The following NAA11 variants were observed in gnomAD, a reference collection of about 807,000 sequenced individuals.
The protein encoded by NAA11 is N-alpha-acetyltransferase 11, NatA catalytic subunit, also known as N-alpha-acetyltransferase 11.
A neutral mutation model predicts 16.1 loss-of-function variants in NAA11; 15 were observed. That is an observed-to-expected ratio of 0.93 (90% confidence interval 0.62 to 1.44). NAA11 has a LOEUF of 1.44. Among genes scored for constraint, NAA11 ranks in the 40% most tolerant of loss-of-function variants. The pLI, the probability that NAA11 is intolerant of heterozygous loss-of-function variation, is 0.00. For synonymous variants in NAA11, 122 were observed against 112.4 expected (o/e 1.09, Z -0.54); for missense variants, 298 against 291.3 (o/e 1.02, Z -0.17).
At chr4:79,259,995 A>T (rs1268628340) in intron 2 of NAA11, among the ~76,000 whole-genome samples, 4 of 152,180 alleles carry the variant, frequency 2.6e-5, no homozygotes, top group Non-Finnish European at 5.9e-5. Flanking sequence ...ATAGAGTCCA[A>T]AGTGCAAAAG....
chr4:79,201,875 C>T, the NAA11 span, among the ~76,000 whole-genome samples: 1 of 151,654 alleles, frequency 6.6e-6, no homozygotes, highest in Admixed American at 6.6e-5. Flanking sequence ...AAAATAACTT[C>T]AACTTCATCC....
intron 2 of NAA11, among the ~76,000 whole-genome samples, chr4:79,265,496 C>T (rs1359394272): frequency 6.6e-6 from 1 of 152,188 alleles, no homozygotes; most frequent in East Asian, 1.9e-4. Context: ...CTATCAGGCT[C>T]TCCCCTATTG....
chr4:79,258,221 C>G (rs1291462632), intron 2 of NAA11, among the ~76,000 whole-genome samples: 3 of 152,252 alleles, frequency 2.0e-5, no homozygotes, highest in Non-Finnish European at 2.9e-5. Flanking sequence ...ATAGCTGCAG[C>G]CTTCCAAGTT....
downstream of NAA11, among the ~76,000 whole-genome samples, chr4:79,315,195 GAA>G (rs987512260): frequency 7.0e-6 from 1 of 143,248 alleles, no homozygotes; most frequent in Non-Finnish European, 1.5e-5. Flanking sequence ...CAGACATACT[GAA>G]AAAAAAAAAA....
the NAA11 span, among the ~76,000 whole-genome samples, chr4:79,190,698 AC>A: frequency 6.6e-5 from 10 of 152,064 alleles, no homozygotes; most frequent in African/African-American, 2.4e-4. Context: ...GTTTGAGGGT[AC>A]ATGTGAAGAT....
At chr4:79,161,871 C>G in the NAA11 span, among the ~76,000 whole-genome samples, 7 of 152,050 alleles carry the variant, frequency 4.6e-5, no homozygotes, top group Non-Finnish European at 2.9e-5. Context: ...TTAGTACAGA[C>G]AGGGTTTCAC....
At chr4:79,217,115 A>G in the NAA11 span, among the ~76,000 whole-genome samples, 4 of 152,172 alleles carry the variant, frequency 2.6e-5, no homozygotes, top group African/African-American at 4.8e-5. Context: ...TGCTCATTAG[A>G]CATATTGTAA....
chr4:79,276,962 C>T (rs116648560), intron 2 of NAA11, among the ~76,000 whole-genome samples: 1,744 of 152,206 alleles, frequency 0.011, 15 homozygotes, highest in South Asian at 0.022. Flanking sequence ...ACTAGAGATG[C>T]CGTTAAAGGA....
At chr4:79,201,720 T>G in the NAA11 span, among the ~76,000 whole-genome samples, 1 of 151,732 alleles carries the variant, frequency 6.6e-6, no homozygotes, top group South Asian at 2.1e-4. Flanking sequence ...ATGTGAGCCT[T>G]GCAGTTCTCT....
the NAA11 span, among the ~76,000 whole-genome samples, chr4:79,209,485 TACATCC>T: frequency 3.3e-5 from 5 of 152,120 alleles, no homozygotes; most frequent in African/African-American, 1.2e-4. Context: ...AAAAAGTTAA[TACATCC>T]ACTGAACACC....
chr4:79,205,060 T>C, the NAA11 span, among the ~76,000 whole-genome samples: 1 of 152,026 alleles, frequency 6.6e-6, no homozygotes, highest in Non-Finnish European at 1.5e-5. Context: ...CTTTATCCAC[T>C]TACCAGTTGA....
At chr4:79,220,103 C>CT in the NAA11 span, among the ~76,000 whole-genome samples, 1 of 152,126 alleles carries the variant, frequency 6.6e-6, no homozygotes, top group African/African-American at 2.4e-5. Context: ...ACTTCTGTGA[C>CT]TTTTTTTGAG....
intron 2 of NAA11, among the ~76,000 whole-genome samples, chr4:79,286,117 A>G (rs1722901700): frequency 6.6e-6 from 1 of 152,134 alleles, no homozygotes; most frequent in Non-Finnish European, 1.5e-5. Context: ...TATTCTAAGC[A>G]GAACATATGT....
chr4:79,252,464 T>C (rs1722017394), intron 2 of NAA11, among the ~76,000 whole-genome samples: 1 of 152,094 alleles, frequency 6.6e-6, no homozygotes, highest in Non-Finnish European at 1.5e-5. Flanking sequence ...ATACATTTTA[T>C]TGGGGTAGAT....
At chr4:79,191,996 G>T in the NAA11 span, among the ~76,000 whole-genome samples, 1 of 152,092 alleles carries the variant, frequency 6.6e-6, no homozygotes, top group African/African-American at 2.4e-5. Flanking sequence ...GATTGTAGAT[G>T]TGTGGTATTA....
chr4:79,230,168 G>T (rs1400807134), intron 2 of NAA11, among the ~76,000 whole-genome samples: 1 of 151,248 alleles, frequency 6.6e-6, no homozygotes, highest in African/African-American at 2.4e-5. Flanking sequence ...GTAAACTATC[G>T]CAAGAACAAA....
At chr4:79,239,311 A>G (rs4571360) in intron 2 of NAA11, among the ~76,000 whole-genome samples, 107,987 of 152,054 alleles carry the variant, frequency 0.71, 40,504 homozygotes, top group East Asian at 0.89. Context: ...AAAGATATAC[A>G]TTAATTTATG....
At chr4:79,237,430 T>G (rs1423040944) in intron 2 of NAA11, among the ~76,000 whole-genome samples, 1 of 152,210 alleles carries the variant, frequency 6.6e-6, no homozygotes, top group East Asian at 1.9e-4. Flanking sequence ...CTCCCATATA[T>G]CTATTGTTTT....
At position 79,325,587 on chromosome 4, in the gene NAA11, G is replaced by GGA; in HGVS notation, c.290_291insTC (p.Met98ProfsTer2). 6.2e-7 allele frequency: 1 copy of GGA among 1,614,076 alleles called. No individual in the cohort carries two copies. The highest frequency in any genetic ancestry group is 8.5e-7 in the Non-Finnish European group (1 of 1,179,952). Reference sequence around the variant, plus strand: ...ATTTGGCGTTAAAGTTCTCTATCATGGCCCTGGAGGCCTGGTCCATCAGCT... The same window carrying GGA: ...ATTTGGCGTTAAAGTTCTCTATCATGGAGCCCTGGAGGCCTGGTCCATCAGCT... On this transcript the variant is annotated frameshift_variant, in exon 1 of 2. Coordinates refer to ENST00000286794, the MANE Select transcript of NAA11 (RefSeq NM_032693.3). LOFTEE classifies it high-confidence loss of function.
Sources: allele counts gnomAD v4.1 joint callset (sites outside exome capture counted in the v4.1 genomes callset), GRCh38; gene constraint gnomAD v4.1.1; transcripts MANE v1.5; gene names NCBI Gene and HGNC (gene_info 2026-07-23, HGNC 2026-07-21).